PEMT: variants seen among roughly 807,000 people sequenced by gnomAD.
The protein encoded by PEMT is phosphatidylethanolamine N-methyltransferase, also known as phospholipid methyltransferase.
A neutral mutation model predicts 27.4 loss-of-function variants in PEMT; 23 were observed. The observed-to-expected ratio is 0.84, with a 90% CI of 0.60 to 1.19. The LOEUF (loss-of-function observed/expected upper bound fraction) is 1.19, where lower values mean the gene tolerates loss of function less well. Ranked by LOEUF, PEMT falls within the 50% of genes most tolerant of loss-of-function variation. PEMT has a pLI of 0.00. For missense variants in PEMT, 307 were observed against 310.1 expected (o/e 0.99, Z 0.07); for synonymous variants, 137 against 139.1 (o/e 0.98, Z 0.11).
chr17:17,539,169 T>C (rs138302968), intron 2 of PEMT, among the ~76,000 whole-genome samples: 2,887 of 152,304 alleles, frequency 0.019, 43 homozygotes, highest in Non-Finnish European at 0.031. Context: ...TTAGTAAAGA[T>C]GGGGTCTCGC....
chr17:17,531,420 T>A (rs1908082299), intron 2 of PEMT, among the ~76,000 whole-genome samples: 1 of 151,330 alleles, frequency 6.6e-6, no homozygotes. Flanking sequence ...TAATCATCTA[T>A]GTCAAAAATC....
intron 2 of PEMT, among the ~76,000 whole-genome samples, chr17:17,569,992 CAG>C (rs1911078961): frequency 6.6e-6 from 1 of 152,226 alleles, no homozygotes; most frequent in African/African-American, 2.4e-5. Flanking sequence ...CTTTATTTCA[CAG>C]AGTCGGGGTG....
intron 1 of PEMT, among the ~76,000 whole-genome samples, chr17:17,585,939 T>C (rs569970257): frequency 4.3e-4 from 65 of 151,218 alleles, no homozygotes; most frequent in Non-Finnish European, 6.3e-4. Flanking sequence ...AAAAATTAGC[T>C]GGGCGTGGTG....
rs900247878 is a variant in PEMT at position 17,512,550 on chromosome 17, A to G, written c.425T>C (p.Leu142Pro). The G allele has an allele frequency of 1.9e-6, 3 of 1,608,364 alleles. No individual in the cohort carries two copies. The highest frequency in any genetic ancestry group is 2.5e-6 in the Non-Finnish European group (3 of 1,177,308). Residue 142 changes from leucine (L) to proline (P), a missense_variant, in exon 4 of 7, where the codon CTC (leucine) becomes CCC (proline). Transcript: ENST00000255389. This position sits in a 1 kb window ranked among gnomAD's most constrained non-coding sequence, Gnocchi z 6.3. ...ALLGLGVVLV[L>P]SSFFALGFAG... ...GAACCCCAGTGCAAAGAAGCTGGAG[A>G]GCACGAGCACGACGCCCAGTCCCAG...
intron 2 of PEMT, among the ~76,000 whole-genome samples, chr17:17,553,478 G>A (rs1395996133): frequency 6.6e-6 from 1 of 152,210 alleles, no homozygotes; most frequent in Non-Finnish European, 1.5e-5. Flanking sequence ...ACCCGGGTCT[G>A]CTTGTGGTGC....
At chr17:17,591,395 C>G (rs568532473) in intron 1 of PEMT, 136 bp downstream of exon 1, 98 of 749,532 alleles carry the variant, frequency 1.3e-4, no homozygotes, top group Non-Finnish European at 2.0e-4. Context: ...CTCCCCCACC[C>G]CCGCCACGCC....
chr17:17,566,990 C>T (rs138055140), intron 2 of PEMT, among the ~76,000 whole-genome samples: 4 of 152,234 alleles, frequency 2.6e-5, no homozygotes, highest in Non-Finnish European at 5.9e-5. Context: ...CAGGGCCGCA[C>T]GCTGCCTTTC....
chr17:17,576,259 C>T (rs553477698), intron 2 of PEMT, among the ~76,000 whole-genome samples: 2 of 152,216 alleles, frequency 1.3e-5, no homozygotes, highest in African/African-American at 2.4e-5. Flanking sequence ...TCCCCTCCCA[C>T]ACTTTCCTCG....
intron 2 of PEMT, among the ~76,000 whole-genome samples, chr17:17,531,620 G>GAAAAAAAA (rs1567689662): frequency 8.8e-4 from 18 of 20,498 alleles, no homozygotes; most frequent in Non-Finnish European, 1.0e-3. Context: ...GCTATCATAT[G>GAAAAAAAA]CAAAAAAAAA....
intron 2 of PEMT, among the ~76,000 whole-genome samples, chr17:17,540,844 G>A (rs974008134): frequency 6.6e-6 from 1 of 152,164 alleles, no homozygotes; most frequent in Non-Finnish European, 1.5e-5. Context: ...GCTCCCGAGT[G>A]CTCCCCTGTG....
Position 17,591,671 on chromosome 17 carries a change from A to G in PEMT, c.-45T>C, listed in dbSNP as rs1332380055. The G allele has an allele frequency of 5.1e-6, 8 of 1,582,822 alleles. No homozygotes were observed. Among genetic ancestry groups the G allele is most frequent in the African/African-American group, 2.7e-5 (2 of 73,826 alleles). Reference sequence around the variant, plus strand: ...GCACCACGCGGGCCCCGCTGCAGCCACGCGCCCCCGGAACCGGACCTATAG... The same window carrying G: ...GCACCACGCGGGCCCCGCTGCAGCCGCGCGCCCCCGGAACCGGACCTATAG... On this transcript the variant is annotated 5_prime_UTR_variant, in exon 1 of 7. Transcript: ENST00000255389.
chr17:17,565,904 G>A (rs1296233408), intron 2 of PEMT, among the ~76,000 whole-genome samples: 4 of 152,142 alleles, frequency 2.6e-5, no homozygotes, highest in Non-Finnish European at 4.4e-5. Context: ...ACTCATGCAA[G>A]AGCTCTTCTG....
At chr17:17,550,464 T>C (rs982035951) in intron 2 of PEMT, among the ~76,000 whole-genome samples, 2 of 152,118 alleles carry the variant, frequency 1.3e-5, no homozygotes, top group African/African-American at 4.8e-5. Context: ...ACGGTCTGCT[T>C]CAGGACCCCC....
chr17:17,557,161 C>T (rs1419123219), intron 2 of PEMT, among the ~76,000 whole-genome samples: 2 of 152,176 alleles, frequency 1.3e-5, no homozygotes, highest in Admixed American at 6.5e-5. Flanking sequence ...CAACCACTAC[C>T]ACCCATGCAC....
chr17:17,586,714 A>G (rs1912334535), intron 1 of PEMT, among the ~76,000 whole-genome samples: 1 of 152,194 alleles, frequency 6.6e-6, no homozygotes, highest in African/African-American at 2.4e-5. Flanking sequence ...GAAATTACAG[A>G]AAGAGTGGCT....
At chr17:17,563,358 C>A (rs1910618331) in intron 2 of PEMT, among the ~76,000 whole-genome samples, 1 of 152,162 alleles carries the variant, frequency 6.6e-6, no homozygotes, top group Non-Finnish European at 1.5e-5. Context: ...TGGCCTCTGA[C>A]CCCTCAGCCC....
At chr17:17,557,302 A>T (rs369420262) in intron 2 of PEMT, among the ~76,000 whole-genome samples, 23 of 152,154 alleles carry the variant, frequency 1.5e-4, no homozygotes, top group African/African-American at 5.3e-4. Flanking sequence ...ACCTCTGGCC[A>T]CCCTGTACTG....
chr17:17,578,803 G>A (rs985729984), intron 1 of PEMT: 1 of 152,110 alleles, frequency 6.6e-6, no homozygotes, highest in Admixed American at 6.5e-5. Flanking sequence ...GGGAAGGATA[G>A]CATTAGGAGG....
At position 17,567,001 on chromosome 17, in the gene PEMT, G is replaced by A. The variant is rs1041213977; in HGVS notation, c.204+9919C>T. Among the ~76,000 whole-genome samples the A allele has an allele frequency of 9.8e-5, 15 of 152,348 alleles. No individual in the cohort carries two copies. The South Asian group carries it at 2.1e-3, about 21-fold the overall frequency. Reference sequence around the variant, plus strand: ...TGCCCAGGGCCGCACGCTGCCTTTCGGTTAGGGTGATTCTGCTCACACTAG... The same window carrying A: ...TGCCCAGGGCCGCACGCTGCCTTTCAGTTAGGGTGATTCTGCTCACACTAG... On this transcript the variant is annotated intron_variant, in intron 2 of 6. Transcript: ENST00000255389.
Sources: gnomAD v4.1 joint callset for allele counts (sites outside exome capture counted in the v4.1 genomes callset) on GRCh38, gnomAD v4.1.1 for gene constraint, Gnocchi (gnomAD v3.1) non-coding constraint, MANE v1.5 for transcripts, NCBI Gene and HGNC (gene_info 2026-07-23, HGNC 2026-07-21) for gene names.